ASIC2: variants seen among roughly 807,000 people sequenced by gnomAD.
ASIC2 encodes acid-sensing ion channel 2.
A neutral mutation model predicts 57.3 loss-of-function variants in ASIC2; 25 were observed. The ratio of observed to expected loss-of-function variants is 0.44; its 90% CI spans 0.32 to 0.61. The LOEUF is 0.61. ASIC2 is among the 20% of genes least tolerant of loss of function. The pLI is 0.06. For missense variants in ASIC2, 641 were observed against 738.1 expected, an observed-to-expected ratio of 0.87 and a Z score of 1.52; for synonymous variants, 319 against 307.5, an observed-to-expected ratio of 1.04 and a Z score of -0.39.
chr17:33,637,317 C>A (rs959602467), intron 1 of ASIC2, among the ~76,000 whole-genome samples: 2 of 152,082 alleles, frequency 1.3e-5, no homozygotes, highest in African/African-American at 4.8e-5. Flanking sequence ...GCTCCTAGAT[C>A]TGCATCTCCA....
chr17:33,374,286 C>G (rs182840344), intron 1 of ASIC2, among the ~76,000 whole-genome samples: 13,046 of 152,174 alleles, frequency 0.086, 584 homozygotes, highest in Middle Eastern at 0.14. Context: ...TGTGAGCCAC[C>G]GCACCCGACC....
chr17:33,354,226 C>A (rs1908292354), intron 1 of ASIC2, among the ~76,000 whole-genome samples: 1 of 152,150 alleles, frequency 6.6e-6, no homozygotes. Context: ...GCTGGGGACA[C>A]AGAGCCAAAC....
chr17:33,199,517 A>G (rs1448565146), intron 1 of ASIC2, among the ~76,000 whole-genome samples: 1 of 152,228 alleles, frequency 6.6e-6, no homozygotes, highest in East Asian at 1.9e-4. Context: ...TGGCTCCTGC[A>G]TAAAACAGAG....
chr17:33,492,866 C>T (rs1190400043), intron 1 of ASIC2, among the ~76,000 whole-genome samples: 1 of 152,192 alleles, frequency 6.6e-6, no homozygotes, highest in Non-Finnish European at 1.5e-5. Context: ...CTACTTGGTG[C>T]ACTTTCCTCT....
intron 1 of ASIC2, among the ~76,000 whole-genome samples, chr17:33,439,053 A>G (rs1911732286): frequency 6.6e-6 from 1 of 152,144 alleles, no homozygotes; most frequent in African/African-American, 2.4e-5. Context: ...TATGTTGCCC[A>G]GGCTGGTCTC....
chr17:33,059,162 T>C (rs2092010651), intron 3 of ASIC2, among the ~76,000 whole-genome samples: 4 of 152,228 alleles, frequency 2.6e-5, no homozygotes, highest in Admixed American at 2.0e-4. Flanking sequence ...TTTATATATA[T>C]ATATATTTTA....
At chr17:33,488,161 G>C (rs1473034025) in intron 1 of ASIC2, among the ~76,000 whole-genome samples, 2 of 152,160 alleles carry the variant, frequency 1.3e-5, no homozygotes, top group Non-Finnish European at 2.9e-5. Flanking sequence ...CTCAGTATCA[G>C]TTTACCAAGT....
At chr17:33,176,668 C>A (rs1905771307) in intron 1 of ASIC2, among the ~76,000 whole-genome samples, 1 of 152,312 alleles carries the variant, frequency 6.6e-6, no homozygotes, top group African/African-American at 2.4e-5. Context: ...ATATGAGGGA[C>A]TAAAACCATT....
chr17:33,292,252 A>T lies in ASIC2; in HGVS notation c.-137T>A. 1 of 993,000 alleles carries T rather than the reference A, an allele frequency of 1.0e-6. No individual in the cohort carries two copies. The highest frequency in any genetic ancestry group is 1.2e-6 in the Non-Finnish European group (1 of 836,910). 61.5% of individuals were successfully genotyped at this position (993,000 alleles called of 1,614,324 possible). On this transcript the variant is annotated 5_prime_UTR_variant, in exon 1 of 10. Transcript: ENST00000225823. ...GCCAGGGAAGCGTGCGCCCGAAAGGAGCTCCGGTGGCGCGGCATGCCCGCC... is the reference window on the plus strand; with the variant it reads ...GCCAGGGAAGCGTGCGCCCGAAAGGTGCTCCGGTGGCGCGGCATGCCCGCC...
At chr17:33,945,598 C>T (rs549049582) in intron 1 of ASIC2, among the ~76,000 whole-genome samples, 3 of 152,154 alleles carry the variant, frequency 2.0e-5, no homozygotes, top group South Asian at 2.1e-4. Context: ...ATCAAGAATG[C>T]CTTCTGAGCC....
chr17:33,057,302 G>T (rs1158011395), intron 3 of ASIC2, among the ~76,000 whole-genome samples: 4 of 152,176 alleles, frequency 2.6e-5, no homozygotes, highest in African/African-American at 9.7e-5. Flanking sequence ...TTCTATACTA[G>T]CTTAGGAAAA....
intron 1 of ASIC2, among the ~76,000 whole-genome samples, chr17:33,633,717 T>A (rs1198798900): frequency 2.0e-5 from 3 of 152,184 alleles, no homozygotes; most frequent in Non-Finnish European, 4.4e-5. Flanking sequence ...GCCACACCCA[T>A]GCCCCAACCA....
intron 3 of ASIC2, among the ~76,000 whole-genome samples, chr17:33,049,584 G>A (rs1354975063): frequency 3.3e-5 from 5 of 152,114 alleles, no homozygotes; most frequent in African/African-American, 1.2e-4. Flanking sequence ...ACTCATGATT[G>A]CAAACGGCTC....
chr17:33,044,275 CAT>C (rs1406648856), intron 3 of ASIC2, among the ~76,000 whole-genome samples: 3 of 149,708 alleles, frequency 2.0e-5, no homozygotes, highest in African/African-American at 7.6e-5. Context: ...TCCATCCATC[CAT>C]CCATCCATCC....
chr17:33,442,581 G>A (rs1172943723), intron 1 of ASIC2, among the ~76,000 whole-genome samples: 1 of 152,064 alleles, frequency 6.6e-6, no homozygotes, highest in Non-Finnish European at 1.5e-5. Context: ...CTAGCATATA[G>A]ACATACAATT....
At chr17:33,100,845 C>T (rs956941002) in intron 2 of ASIC2, among the ~76,000 whole-genome samples, 3 of 152,222 alleles carry the variant, frequency 2.0e-5, no homozygotes, top group African/African-American at 4.8e-5. Context: ...CAGACCCTTG[C>T]ACCAGCTGGG....
chr17:33,159,462 C>T (rs1005886279), intron 1 of ASIC2, among the ~76,000 whole-genome samples: 14 of 152,210 alleles, frequency 9.2e-5, no homozygotes, highest in African/African-American at 3.4e-4. Context: ...AGATCAGTCT[C>T]CCCTCTCCCT....
intron 2 of ASIC2, among the ~76,000 whole-genome samples, chr17:33,099,807 G>A (rs777486659): frequency 4.6e-5 from 7 of 152,196 alleles, no homozygotes; most frequent in Non-Finnish European, 8.8e-5. Context: ...TACACACACC[G>A]ATGGTGGAAG....
At chr17:33,332,783 C>T (rs1279647926) in intron 1 of ASIC2, among the ~76,000 whole-genome samples, 3 of 152,214 alleles carry the variant, frequency 2.0e-5, no homozygotes, top group Non-Finnish European at 4.4e-5. Flanking sequence ...CCCAGCTACT[C>T]AGGAGGCTGA....
Sources: allele counts gnomAD v4.1 joint callset (sites outside exome capture counted in the v4.1 genomes callset), GRCh38; gene constraint gnomAD v4.1.1; transcripts MANE v1.5; gene names NCBI Gene and HGNC (gene_info 2026-07-23, HGNC 2026-07-21).